The following MYLK variants were observed in gnomAD, a reference collection of about 807,000 sequenced individuals.
MYLK encodes the protein myosin light chain kinase, smooth muscle.
A neutral mutation model predicts 203.4 loss-of-function variants in MYLK; 106 were observed. That is an observed-to-expected ratio of 0.52 (90% confidence interval 0.45 to 0.61). MYLK has a LOEUF of 0.61. Ranked by LOEUF, MYLK falls within the 20% of genes least tolerant of loss-of-function variation. The pLI, the probability that MYLK is intolerant of heterozygous loss-of-function variation, is 0.00. For missense variants in MYLK, 2,072 were observed against 2,442.3 expected (o/e 0.85, Z 3.20); for synonymous variants, 867 against 959.5 (o/e 0.90, Z 1.78).
At chr3:123,856,828 G>A (rs2031420767) in intron 2 of MYLK, among the ~76,000 whole-genome samples, 1 of 152,086 alleles carries the variant, frequency 6.6e-6, no homozygotes, top group Admixed American at 6.5e-5. Context: ...TTTCTGCACA[G>A]CAAAAGAAAC....
At chr3:123,757,575 A>T (rs2108906865) in intron 4 of MYLK, among the ~76,000 whole-genome samples, 1 of 152,304 alleles carries the variant, frequency 6.6e-6, no homozygotes, top group Non-Finnish European at 1.5e-5. Context: ...CCAGGGAGAA[A>T]ACAGACTGCC....
intron 28 of MYLK, among the ~76,000 whole-genome samples, chr3:123,639,294 A>G (rs2058749609): frequency 6.6e-6 from 1 of 152,170 alleles, no homozygotes; most frequent in African/African-American, 2.4e-5. Flanking sequence ...TGCGCTGACC[A>G]CCAGACCGGT....
chr3:123,659,124 ACT>A (rs1226009350), intron 23 of MYLK, among the ~76,000 whole-genome samples: 1 of 152,054 alleles, frequency 6.6e-6, no homozygotes, highest in African/African-American at 2.4e-5. Flanking sequence ...ATTACTCTAA[ACT>A]CTCTTAAAGA....
intron 3 of MYLK, among the ~76,000 whole-genome samples, chr3:123,815,418 A>G (rs2065715403): frequency 6.6e-6 from 1 of 151,018 alleles, no homozygotes. Flanking sequence ...TGAGTAAGAC[A>G]GAAAAGGATC....
chr3:123,708,061 C>G, intron 15 of MYLK, 58 bp from the exon 16 acceptor site: 1 of 1,607,746 alleles, frequency 6.2e-7, no homozygotes, highest in Non-Finnish European at 8.5e-7. Flanking sequence ...GCAGTGTCCA[C>G]TCAATTCTCC....
At chr3:123,723,103 C>T (rs766728535) in intron 12 of MYLK, among the ~76,000 whole-genome samples, 1 of 152,136 alleles carries the variant, frequency 6.6e-6, no homozygotes, top group African/African-American at 2.4e-5. Flanking sequence ...AGTCTGTCCT[C>T]GGAGCAGGAA....
chr3:123,807,510 T>C (rs895803257), intron 3 of MYLK, among the ~76,000 whole-genome samples: 13 of 152,318 alleles, frequency 8.5e-5, no homozygotes, highest in African/African-American at 2.9e-4. Flanking sequence ...GTAACGAATG[T>C]ATTGATATCC....
chr3:123,853,591 T>C (rs2031063724), intron 2 of MYLK, among the ~76,000 whole-genome samples: 2 of 152,160 alleles, frequency 1.3e-5, no homozygotes, highest in Non-Finnish European at 2.9e-5. Context: ...GTCTCACCAC[T>C]ATATGATGGA....
chr3:123,733,740 T>A lies in MYLK; in HGVS notation c.1256A>T (p.Lys419Met). Reference protein sequence around the residue: ...RDSAFPKFESKPQSQEVKENQ... With the variant: ...RDSAFPKFESMPQSQEVKENQ... ...TTCCTTGACCTCCTGGCTTTGGGGC[T>A]TGCTCTCAAATTTGGGGAATGCTGA... Residue 419 changes from lysine to methionine, a missense_variant, in exon 10 of 34, where the codon AAG becomes ATG. Coordinates refer to ENST00000360304, the MANE Select transcript of MYLK (RefSeq NM_053025.4). 6.2e-7 allele frequency: 1 copy of A among 1,614,230 alleles called. No homozygotes were observed. Among genetic ancestry groups the A allele is most frequent in the Non-Finnish European group, 8.5e-7 (1 of 1,180,038 alleles).
At chr3:123,769,086 T>A (rs1450934477) in intron 4 of MYLK, among the ~76,000 whole-genome samples, 4 of 152,090 alleles carry the variant, frequency 2.6e-5, no homozygotes, top group African/African-American at 9.7e-5. Flanking sequence ...ATCAGGCCTG[T>A]CCCAGACAAT....
chr3:123,764,043 T>G (rs1402604352), intron 4 of MYLK, among the ~76,000 whole-genome samples: 1 of 152,244 alleles, frequency 6.6e-6, no homozygotes, highest in South Asian at 2.1e-4. Flanking sequence ...AACTAGTATA[T>G]TGAATTTATT....
intron 4 of MYLK, among the ~76,000 whole-genome samples, chr3:123,782,430 G>A (rs2064334129): frequency 1.3e-5 from 2 of 152,194 alleles, no homozygotes; most frequent in African/African-American, 4.8e-5. Context: ...GAGCACAGAG[G>A]AGGCTCAACT....
At chr3:123,708,095 A>G in intron 15 of MYLK, 92 bp from the exon 16 acceptor site, 1 of 1,551,202 alleles carries the variant, frequency 6.4e-7, no homozygotes, top group East Asian at 2.3e-5. Context: ...ATGGGAAGAT[A>G]GCATGTCACC....
At chr3:123,864,539 A>G (rs972409195) in intron 2 of MYLK, among the ~76,000 whole-genome samples, 2 of 152,204 alleles carry the variant, frequency 1.3e-5, no homozygotes, top group African/African-American at 4.8e-5. Flanking sequence ...TAACTTTAGA[A>G]TCTAGGTGGA....
At chr3:123,849,541 T>C (rs901798847) in intron 2 of MYLK, among the ~76,000 whole-genome samples, 11 of 152,166 alleles carry the variant, frequency 7.2e-5, no homozygotes, top group African/African-American at 2.7e-4. Context: ...AGAAAAATTA[T>C]AACATGTGGT....
At chr3:123,761,663 G>T (rs527356972) in intron 4 of MYLK, among the ~76,000 whole-genome samples, 1,548 of 152,208 alleles carry the variant, frequency 0.01, 31 homozygotes, top group African/African-American at 0.036. Context: ...GGAATCAAAA[G>T]TTGTTTCTCA....
intron 3 of MYLK, among the ~76,000 whole-genome samples, chr3:123,830,638 T>G (rs2066292512): frequency 6.6e-6 from 1 of 152,144 alleles, no homozygotes; most frequent in African/African-American, 2.4e-5. Context: ...TCACTTTCTT[T>G]GTTTCACTGG....
Position 123,613,938 on chromosome 3 carries a change from G to T in MYLK, c.*167C>A. ...ACATAGATTAATGCCCATCAATAAC[G>T]CTGCTAGGTATCAACTGCTGTTTCT... is the stretch of plus-strand genomic sequence containing the variant. On this transcript the variant is annotated 3_prime_UTR_variant, in exon 34 of 34. Coordinates refer to ENST00000360304, the MANE Select transcript of MYLK (RefSeq NM_053025.4). 1 of 753,464 alleles carries T rather than the reference G, an allele frequency of 1.3e-6. No homozygotes were observed. Among genetic ancestry groups the T allele is most frequent in the Non-Finnish European group, 2.2e-6 (1 of 451,886 alleles). The allele number at this position is 753,464 out of a possible 1,614,324, so 46.7% of individuals were successfully genotyped here.
At chr3:123,869,736 C>T (rs1029467756) in intron 2 of MYLK, among the ~76,000 whole-genome samples, 2 of 152,150 alleles carry the variant, frequency 1.3e-5, no homozygotes, top group Non-Finnish European at 2.9e-5. Flanking sequence ...GAAGTTGTTA[C>T]ATCTCCATTT....
Sources: gnomAD v4.1 joint callset for allele counts (sites outside exome capture counted in the v4.1 genomes callset) on GRCh38, gnomAD v4.1.1 for gene constraint, MANE v1.5 for transcripts, NCBI Gene and HGNC (gene_info 2026-07-23, HGNC 2026-07-21) for gene names.